GDPD4: variants seen among roughly 807,000 people sequenced by gnomAD.
GDPD4 encodes glycerophosphodiester phosphodiesterase 6.
Under a neutral mutation model 67.8 loss-of-function variants are expected in GDPD4, and 60 were observed. The ratio of observed to expected loss-of-function variants is 0.88; its 90% CI spans 0.72 to 1.10. The LOEUF (loss-of-function observed/expected upper bound fraction) is 1.10. Among genes scored for constraint, GDPD4 ranks in the 50% least tolerant of loss-of-function variants. GDPD4 has a pLI of 0.00. For synonymous variants in GDPD4, 212 were observed against 210.9 expected (o/e 1.00, Z -0.04); for missense variants, 623 against 613.9 (o/e 1.01, Z -0.16).
Position 77,220,922 on chromosome 11 carries a change from C to T in GDPD4, c.1526-3608G>A, listed in dbSNP as rs570968379. Reference sequence around the variant, plus strand: ...TATTCAGGGATTCAACTTCTGAATTCGGGTGGGTAACCCGACCTTTCTCAC... The same window carrying T: ...TATTCAGGGATTCAACTTCTGAATTTGGGTGGGTAACCCGACCTTTCTCAC... On this transcript the variant is annotated intron_variant, in intron 16 of 16. Transcript: ENST00000315938. Among the ~76,000 whole-genome samples, 58 of 151,994 alleles carry T rather than the reference C, an allele frequency of 3.8e-4. 1 individual carries two copies. Among genetic ancestry groups the T allele is most frequent in the Non-Finnish European group, 3.2e-4 (22 of 67,912 alleles).
chr11:77,283,851 A>ATT (rs71272229), intron 3 of GDPD4, among the ~76,000 whole-genome samples: 3,812 of 124,486 alleles, frequency 0.031, 111 homozygotes, highest in Non-Finnish European at 0.05. Context: ...GACATAATGA[A>ATT]TTTTTTTTTT....
At chr11:77,300,196 C>G (rs1255491434) in intron 1 of GDPD4, among the ~76,000 whole-genome samples, 1 of 151,968 alleles carries the variant, frequency 6.6e-6, no homozygotes, top group African/African-American at 2.4e-5. Context: ...CCAAACCACT[C>G]ACCCCGTCAC....
intron 16 of GDPD4, among the ~76,000 whole-genome samples, chr11:77,221,251 T>C (rs577459788): frequency 2.6e-5 from 4 of 152,324 alleles, no homozygotes; most frequent in African/African-American, 9.6e-5. Flanking sequence ...TCTGCTCTGA[T>C]CTTAGTTATT....
intron 16 of GDPD4, among the ~76,000 whole-genome samples, chr11:77,222,913 G>A (rs1314699051): frequency 6.6e-6 from 1 of 152,118 alleles, no homozygotes; most frequent in Non-Finnish European, 1.5e-5. Flanking sequence ...CATATTTCTT[G>A]GAGGCTTTGT....
chr11:77,276,102 G>C, intron 5 of GDPD4, 59 bp downstream of exon 5: 1 of 1,230,696 alleles, frequency 8.1e-7, no homozygotes, highest in East Asian at 2.3e-5. Flanking sequence ...AGCATGTTCA[G>C]GCCTGGTCTA....
At chr11:77,289,788 A>G (rs1433898738) in intron 1 of GDPD4, among the ~76,000 whole-genome samples, 1 of 128,184 alleles carries the variant, frequency 7.8e-6, no homozygotes, top group Admixed American at 7.9e-5. Context: ...GAGGGGAGGG[A>G]AAGAGAGAGA....
intron 11 of GDPD4, among the ~76,000 whole-genome samples, chr11:77,246,205 G>A (rs1329801832): frequency 1.3e-5 from 2 of 152,182 alleles, no homozygotes; most frequent in African/African-American, 2.4e-5. Flanking sequence ...AGGATTACTT[G>A]AGCCCAGGAG....
At chr11:77,285,354 C>T (rs1345620754) in intron 2 of GDPD4, among the ~76,000 whole-genome samples, 167 bp from the exon 3 acceptor site, 1 of 152,148 alleles carries the variant, frequency 6.6e-6, no homozygotes, top group Non-Finnish European at 1.5e-5. Flanking sequence ...CCTGTATATG[C>T]CTATTTACAA....
intron 16 of GDPD4, among the ~76,000 whole-genome samples, chr11:77,220,932 A>G (rs988731619): frequency 3.9e-5 from 6 of 152,122 alleles, no homozygotes; most frequent in Admixed American, 6.5e-5. Context: ...CGGGTGGGTA[A>G]CCCGACCTTT....
chr11:77,222,086 C>T (rs1565503443), intron 16 of GDPD4, among the ~76,000 whole-genome samples: 2 of 152,210 alleles, frequency 1.3e-5, no homozygotes, highest in East Asian at 1.9e-4. Context: ...GTAGATCTTC[C>T]TCCCTCCCTT....
intron 1 of GDPD4, among the ~76,000 whole-genome samples, chr11:77,293,620 C>T (rs1937853572): frequency 6.6e-6 from 1 of 151,574 alleles, no homozygotes; most frequent in South Asian, 2.1e-4. Flanking sequence ...ATAAACTTAA[C>T]CATACTATCA....
At position 77,267,336 on chromosome 11, in the gene GDPD4, G is replaced by A. The variant is rs116827212; in HGVS notation, c.707+1121C>T. 4.5e-3 allele frequency among the ~76,000 whole-genome samples: 688 copies of A among 152,236 alleles called. 9 individuals carry two copies. The highest frequency in any genetic ancestry group is 0.015 in the African/African-American group (640 of 41,542). ...TGCCTAACAACGCATTTCTCAGAAC[G>A]TATGCTCATCATTAAGTGAGATATG... On this transcript the variant is annotated intron_variant, in intron 10 of 16. Transcript: ENST00000315938.
chr11:77,262,077 C>T (rs531196445), intron 10 of GDPD4, among the ~76,000 whole-genome samples: 91 of 152,256 alleles, frequency 6.0e-4, no homozygotes, highest in African/African-American at 2.2e-3. Flanking sequence ...AGCTGGCTTC[C>T]TAAGGGAATG....
At chr11:77,239,612 G>A (rs977594321) in intron 13 of GDPD4, among the ~76,000 whole-genome samples, 1 of 152,054 alleles carries the variant, frequency 6.6e-6, no homozygotes, top group African/African-American at 2.4e-5. Flanking sequence ...AGAATTCTTA[G>A]GAATAAAACT....
intron 5 of GDPD4, among the ~76,000 whole-genome samples, chr11:77,274,368 A>G (rs1025877184): frequency 6.6e-6 from 1 of 152,188 alleles, no homozygotes; most frequent in Non-Finnish European, 1.5e-5. Context: ...GGAGGTGGGC[A>G]TAGTGGGAGG....
chr11:77,276,341 C>T (rs530655816), intron 4 of GDPD4, 121 bp from the exon 5 acceptor site: 2 of 758,350 alleles, frequency 2.6e-6, no homozygotes, highest in Non-Finnish European at 4.6e-6. Context: ...TCTTGCTATA[C>T]CTGTACTTTA....
chr11:77,269,453 A>T (rs1959195421), intron 8 of GDPD4, among the ~76,000 whole-genome samples: 1 of 152,148 alleles, frequency 6.6e-6, no homozygotes, highest in African/African-American at 2.4e-5. Flanking sequence ...ATCCTAAAAC[A>T]TCTGTATATT....
intron 1 of GDPD4, among the ~76,000 whole-genome samples, chr11:77,291,318 T>A (rs1368694152): frequency 6.6e-6 from 1 of 152,178 alleles, no homozygotes; most frequent in Non-Finnish European, 1.5e-5. Flanking sequence ...CTTAAAAAGT[T>A]GATCTCATGG....
chr11:77,246,265 C>A (rs1958783809), intron 11 of GDPD4, among the ~76,000 whole-genome samples: 1 of 152,014 alleles, frequency 6.6e-6, no homozygotes, highest in Non-Finnish European at 1.5e-5. Context: ...ACAGCCTGGG[C>A]AATAGAGTGA....
Sources: gnomAD v4.1 joint callset for allele counts (sites outside exome capture counted in the v4.1 genomes callset) on GRCh38, gnomAD v4.1.1 for gene constraint, MANE v1.5 for transcripts, NCBI Gene and HGNC (gene_info 2026-07-23, HGNC 2026-07-21) for gene names.